The following CALN1 variants were observed in gnomAD, a reference collection of about 807,000 sequenced individuals.
CALN1 encodes calcium-binding protein 8.
Under a neutral mutation model 30.6 loss-of-function variants are expected in CALN1, and 17 were observed. The ratio of observed to expected loss-of-function variants is 0.56; its 90% CI spans 0.38 to 0.83. The LOEUF is 0.83. Among genes scored for constraint, CALN1 ranks in the 40% least tolerant of loss-of-function variants. The pLI, the probability that CALN1 is intolerant of heterozygous loss-of-function variation, is 0.00. For missense variants in CALN1, 291 were observed against 354.9 expected (o/e 0.82, Z 1.45); for synonymous variants, 156 against 131.4 (o/e 1.19, Z -1.28).
At chr7:72,460,097 T>C in the CALN1 span, among the ~76,000 whole-genome samples, 2 of 152,042 alleles carry the variant, frequency 1.3e-5, no homozygotes, top group Admixed American at 6.6e-5. Flanking sequence ...CCAGACCCTT[T>C]AAACAACCAC....
chr7:72,143,585 G>A (rs527542207), intron 3 of CALN1, among the ~76,000 whole-genome samples: 1 of 152,186 alleles, frequency 6.6e-6, no homozygotes, highest in South Asian at 2.1e-4. Flanking sequence ...CCCCAATCTA[G>A]CAAGGCAGGC....
the CALN1 span, among the ~76,000 whole-genome samples, chr7:72,487,501 C>T: frequency 6.6e-6 from 1 of 151,434 alleles, no homozygotes; most frequent in South Asian, 2.1e-4. Context: ...GACTAGCCAA[C>T]ATGGTGACAC....
At chr7:72,289,956 T>C (rs1798360458) in intron 2 of CALN1, among the ~76,000 whole-genome samples, 1 of 151,634 alleles carries the variant, frequency 6.6e-6, no homozygotes, top group Non-Finnish European at 1.5e-5. Context: ...TATGTGCCTG[T>C]AGTCTTAGCT....
intron 2 of CALN1, among the ~76,000 whole-genome samples, chr7:72,365,040 C>T (rs1196513712): frequency 2.6e-5 from 4 of 151,774 alleles, no homozygotes. Context: ...CGTGGTGGCA[C>T]ACACCTGCAA....
chr7:72,097,662 A>G (rs1806335403), intron 4 of CALN1, among the ~76,000 whole-genome samples: 1 of 151,926 alleles, frequency 6.6e-6, no homozygotes, highest in Admixed American at 6.6e-5. Context: ...AAAAAAAAAA[A>G]AATTAAACAG....
intron 2 of CALN1, among the ~76,000 whole-genome samples, chr7:72,306,321 G>A (rs1360074011): frequency 6.6e-6 from 1 of 152,156 alleles, no homozygotes; most frequent in Admixed American, 6.5e-5. Flanking sequence ...GATTAAGTAA[G>A]AGTCTAGCAA....
chr7:71,956,799 C>T (rs577104692), intron 5 of CALN1, among the ~76,000 whole-genome samples: 128 of 152,216 alleles, frequency 8.4e-4, no homozygotes, highest in African/African-American at 2.9e-3. Context: ...CAGGTTCAAG[C>T]GATTCTCCTG....
chr7:72,502,813 C>T, the CALN1 span, among the ~76,000 whole-genome samples: 3 of 152,108 alleles, frequency 2.0e-5, no homozygotes, highest in Non-Finnish European at 4.4e-5. Flanking sequence ...CCTTGGAGTT[C>T]ATAATTGTCT....
chr7:71,976,591 G>A (rs139120364), intron 5 of CALN1, among the ~76,000 whole-genome samples: 3 of 152,364 alleles, frequency 2.0e-5, no homozygotes, highest in Middle Eastern at 3.4e-3. Flanking sequence ...TCCTCCCTTT[G>A]ATCCTTATCC....
intron 2 of CALN1, among the ~76,000 whole-genome samples, chr7:72,349,042 T>C (rs566302636): frequency 7.9e-5 from 12 of 152,158 alleles, no homozygotes; most frequent in Admixed American, 3.9e-4. Context: ...GCAAATAAAA[T>C]TGTAGTGCTG....
intron 4 of CALN1, among the ~76,000 whole-genome samples, chr7:72,051,230 G>A (rs1563012042): frequency 6.6e-6 from 1 of 151,692 alleles, no homozygotes; most frequent in Non-Finnish European, 1.5e-5. Flanking sequence ...ATATATGAAT[G>A]ATTGACAAAT....
chr7:72,316,993 G>A (rs1800505552), intron 2 of CALN1, among the ~76,000 whole-genome samples: 2 of 138,410 alleles, frequency 1.4e-5, no homozygotes, highest in Non-Finnish European at 1.5e-5. Context: ...GAAAAAAAAA[G>A]GAAAGGAAAG....
At position 72,186,478 on chromosome 7, in the gene CALN1, C is replaced by T. The variant is rs146404750; in HGVS notation, c.245-80184G>A. ...GTACATGTGCAGGTTTGTTACCTGA[C>T]GACATCGCATGATGCTGAGATTTGG... On this transcript the variant is annotated intron_variant, in intron 3 of 6. Coordinates refer to ENST00000395275, the MANE Select transcript of CALN1 (RefSeq NM_031468.4). Among the ~76,000 whole-genome samples the T allele has an allele frequency of 4.6e-5, 7 of 152,190 alleles. No individual in the cohort carries two copies. In the East Asian group the frequency reaches 5.8e-4, roughly 13 times the overall value.
At chr7:72,327,432 T>C (rs983093073) in intron 2 of CALN1, among the ~76,000 whole-genome samples, 2 of 152,190 alleles carry the variant, frequency 1.3e-5, no homozygotes, top group Admixed American at 6.5e-5. Context: ...GAGGTTGCAG[T>C]GAGCTGAGAT....
At chr7:72,304,912 G>A (rs146299065) in intron 2 of CALN1, among the ~76,000 whole-genome samples, 1 of 152,192 alleles carries the variant, frequency 6.6e-6, no homozygotes, top group African/African-American at 2.4e-5. Context: ...TACAGCTAGA[G>A]AGAAATTAAA....
At chr7:72,147,307 T>C (rs1456278539) in intron 3 of CALN1, among the ~76,000 whole-genome samples, 1 of 151,926 alleles carries the variant, frequency 6.6e-6, no homozygotes, top group Non-Finnish European at 1.5e-5. Flanking sequence ...GGGCAAAGGA[T>C]ATGAACAGAC....
chr7:72,196,692 A>G (rs1791030139), intron 3 of CALN1, among the ~76,000 whole-genome samples: 1 of 152,274 alleles, frequency 6.6e-6, no homozygotes, highest in Non-Finnish European at 1.5e-5. Context: ...GGCAGCAGGG[A>G]GAAATCGGAA....
intron 3 of CALN1, among the ~76,000 whole-genome samples, chr7:72,205,278 C>A (rs1340364791): frequency 2.0e-5 from 3 of 151,696 alleles, no homozygotes; most frequent in African/African-American, 7.3e-5. Flanking sequence ...TCTCAGCTCA[C>A]CGCAACCTCC....
chr7:71,951,173 GC>G (rs1431071810), intron 5 of CALN1, among the ~76,000 whole-genome samples: 1 of 152,170 alleles, frequency 6.6e-6, no homozygotes, highest in African/African-American at 2.4e-5. Context: ...CAGCATAGCT[GC>G]CTCTAGGGCA....
Sources: allele counts gnomAD v4.1 joint callset (sites outside exome capture counted in the v4.1 genomes callset), GRCh38; gene constraint gnomAD v4.1.1; transcripts MANE v1.5; gene names NCBI Gene and HGNC (gene_info 2026-07-23, HGNC 2026-07-21).